Variants in MRAP2 observed in about 807,000 individuals in gnomAD.
MRAP2 encodes the protein melanocortin 2 receptor accessory protein 2, also known as melanocortin-2 receptor accessory protein 2.
In MRAP2, 20 loss-of-function variants were observed where a neutral mutation model predicts 17.4. The ratio of observed to expected loss-of-function variants is 1.15; its 90% confidence interval spans 0.81 to 1.67. MRAP2 has a LOEUF of 1.67. Ranked by LOEUF, MRAP2 falls within the 40% of genes most tolerant of loss-of-function variation. The pLI is 0.00. For missense variants in MRAP2, 238 were observed against 240.0 expected, an observed-to-expected ratio of 0.99 and a Z score of 0.05; for synonymous variants, 96 against 88.4, an observed-to-expected ratio of 1.09 and a Z score of -0.48.
chr6:84,083,496 T>A (rs1449146002), intron 3 of MRAP2, among the ~76,000 whole-genome samples: 1 of 152,188 alleles, frequency 6.6e-6, no homozygotes, highest in Non-Finnish European at 1.5e-5. Flanking sequence ...GTCTTACATA[T>A]CAAAGAATTA....
the MRAP2 span, among the ~76,000 whole-genome samples, chr6:84,107,370 A>T: frequency 6.6e-6 from 1 of 152,090 alleles, no homozygotes; most frequent in African/African-American, 2.4e-5. Flanking sequence ...TCCCCAAAAC[A>T]CTGGACCCCT....
the MRAP2 span, among the ~76,000 whole-genome samples, chr6:84,137,273 T>A: frequency 6.6e-6 from 1 of 152,214 alleles, no homozygotes; most frequent in Non-Finnish European, 1.5e-5. Context: ...TGTGGCCTTA[T>A]GGTTGTTGTG....
chr6:84,047,721 ACC>A (rs1457780793), intron 1 of MRAP2, among the ~76,000 whole-genome samples: 1 of 152,160 alleles, frequency 6.6e-6, no homozygotes, highest in Non-Finnish European at 1.5e-5. Context: ...GCTCCTGATA[ACC>A]ACCATTCTAT....
rs1338978723 is a variant in MRAP2 at position 84,055,446 on chromosome 6, G to A, written c.127+1G>A. ...TTTGAAGGACTGAAGGCTCATAAATGTAAGTTTTATACAATTCCTCATTGA... is the reference window on the plus strand; with the variant it reads ...TTTGAAGGACTGAAGGCTCATAAATATAAGTTTTATACAATTCCTCATTGA... On this transcript the variant is annotated splice_donor_variant, in intron 2 of 3. Coordinates refer to ENST00000257776, the MANE Select transcript of MRAP2 (RefSeq NM_138409.4). LOFTEE classifies it high-confidence loss of function. 1 of 1,611,520 alleles carries A rather than the reference G, an allele frequency of 6.2e-7. No individual in the cohort carries two copies. Among genetic ancestry groups the A allele is most frequent in the South Asian group, 1.1e-5 (1 of 90,486 alleles).
At chr6:84,111,800 G>A in the MRAP2 span, among the ~76,000 whole-genome samples, 4 of 152,158 alleles carry the variant, frequency 2.6e-5, no homozygotes, top group African/African-American at 7.2e-5. Flanking sequence ...TTTATTGAGA[G>A]TTTTTAGCAT....
chr6:84,114,583 C>T, the MRAP2 span, among the ~76,000 whole-genome samples: 3 of 152,088 alleles, frequency 2.0e-5, no homozygotes, highest in East Asian at 1.9e-4. Flanking sequence ...TCTGTCAGTT[C>T]GTCAAACTCA....
downstream of MRAP2, among the ~76,000 whole-genome samples, chr6:84,091,734 T>A (rs1396642981): frequency 6.6e-6 from 1 of 152,192 alleles, no homozygotes; most frequent in Admixed American, 6.5e-5. Context: ...TGTTAAGAAC[T>A]GTGAATGGTC....
chr6:84,062,527 A>G, intron 2 of MRAP2: 1 of 984,688 alleles, frequency 1.0e-6, no homozygotes, highest in Non-Finnish European at 1.2e-6. Flanking sequence ...AGGAATCCAA[A>G]TGCACTTAAA....
chr6:84,119,416 C>G, the MRAP2 span, among the ~76,000 whole-genome samples: 456 of 152,270 alleles, frequency 3.0e-3, 2 homozygotes, highest in African/African-American at 0.01. Context: ...ACCCTGTCAG[C>G]CTGGAAGTTT....
chr6:84,057,362 C>T (rs778319181), intron 2 of MRAP2, among the ~76,000 whole-genome samples: 5 of 152,146 alleles, frequency 3.3e-5, no homozygotes, highest in Admixed American at 6.6e-5. Flanking sequence ...CAGGAATGAC[C>T]ATAACAGTTA....
chr6:84,033,664 T>C (rs1034321795), upstream of MRAP2: 9 of 983,252 alleles, frequency 9.2e-6, no homozygotes, highest in East Asian at 1.1e-4. Flanking sequence ...GAGGCGGCTC[T>C]CGCGCTGGGG....
chr6:84,115,277 CAGG>C, the MRAP2 span, among the ~76,000 whole-genome samples: 10 of 152,322 alleles, frequency 6.6e-5, no homozygotes, highest in East Asian at 1.4e-3. Context: ...CCTGCCCAGA[CAGG>C]AGGAATCTAG....
chr6:84,040,690 G>A (rs954027415), intron 1 of MRAP2, among the ~76,000 whole-genome samples: 1 of 152,178 alleles, frequency 6.6e-6, no homozygotes. Flanking sequence ...TGGAGCAAAG[G>A]TGACTCTTGC....
chr6:84,084,209 A>G (rs2099499712), intron 3 of MRAP2, among the ~76,000 whole-genome samples: 1 of 152,218 alleles, frequency 6.6e-6, no homozygotes, highest in African/African-American at 2.4e-5. Flanking sequence ...AATTTTTAGT[A>G]ACAAATCTAT....
chr6:84,106,710 C>A, the MRAP2 span, among the ~76,000 whole-genome samples: 11 of 152,278 alleles, frequency 7.2e-5, no homozygotes, highest in African/African-American at 2.6e-4. Flanking sequence ...GGAGTAGGAA[C>A]GATGGGCATT....
intron 1 of MRAP2, among the ~76,000 whole-genome samples, chr6:84,045,009 A>C (rs891650743): frequency 5.9e-5 from 9 of 152,240 alleles, no homozygotes; most frequent in African/African-American, 2.2e-4. Context: ...ACAGGATAGC[A>C]ACTATTTACA....
chr6:84,129,862 C>A, the MRAP2 span, among the ~76,000 whole-genome samples: 1 of 152,082 alleles, frequency 6.6e-6, no homozygotes, highest in African/African-American at 2.4e-5. Context: ...CTTTTTCTTG[C>A]CTGATTGTTC....
intron 1 of MRAP2, among the ~76,000 whole-genome samples, chr6:84,045,844 C>T (rs2099488888): frequency 6.6e-6 from 1 of 152,148 alleles, no homozygotes; most frequent in Admixed American, 6.5e-5. Flanking sequence ...CACACATACA[C>T]ACCCATAATA....
the MRAP2 span, among the ~76,000 whole-genome samples, chr6:84,108,627 G>A: frequency 1.3e-5 from 2 of 152,054 alleles, no homozygotes; most frequent in African/African-American, 4.8e-5. Flanking sequence ...CATTCCATAG[G>A]TTGTCTGTTT....
Sources: allele counts gnomAD v4.1 joint callset (sites outside exome capture counted in the v4.1 genomes callset), GRCh38; gene constraint gnomAD v4.1.1; transcripts MANE v1.5; gene names NCBI Gene and HGNC (gene_info 2026-07-23, HGNC 2026-07-21).